SLC24A2: variants seen among roughly 807,000 people sequenced by gnomAD.
SLC24A2 encodes the protein sodium/potassium/calcium exchanger 2.
In SLC24A2, 36 loss-of-function variants were observed where a neutral mutation model predicts 62.0. The ratio of observed to expected loss-of-function variants is 0.58; its 90% CI spans 0.44 to 0.77. SLC24A2 has a LOEUF of 0.77. Among genes scored for constraint, SLC24A2 ranks in the 30% least tolerant of loss-of-function variants. SLC24A2 has a pLI of 0.00. For missense variants in SLC24A2, 846 were observed against 817.9 expected (o/e 1.03, Z -0.42); for synonymous variants, 358 against 294.0 (o/e 1.22, Z -2.23).
At chr9:19,561,095 T>A (rs759094805) in intron 7 of SLC24A2, among the ~76,000 whole-genome samples, 4 of 150,088 alleles carry the variant, frequency 2.7e-5, no homozygotes, top group Non-Finnish European at 4.5e-5. Flanking sequence ...CTGGCTAATT[T>A]TTTTTTGTAT....
chr9:20,055,134 T>TC, the SLC24A2 span, among the ~76,000 whole-genome samples: 1 of 152,100 alleles, frequency 6.6e-6, no homozygotes, highest in African/African-American at 2.4e-5. Flanking sequence ...CTCATAAAGC[T>TC]CCCTTCCATC....
the SLC24A2 span, among the ~76,000 whole-genome samples, chr9:20,038,632 CA>C: frequency 1.7e-3 from 180 of 108,650 alleles, no homozygotes; most frequent in Non-Finnish European, 2.2e-3. Flanking sequence ...AAGAAACAAA[CA>C]AAAAAAAAAA....
the SLC24A2 span, among the ~76,000 whole-genome samples, chr9:20,266,400 C>G: frequency 1.2e-4 from 18 of 152,140 alleles, 1 homozygote; most frequent in Non-Finnish European, 1.5e-5. Context: ...GGCAGGTTCC[C>G]CAATACCCAG....
At chr9:20,163,737 C>A in the SLC24A2 span, among the ~76,000 whole-genome samples, 7 of 152,272 alleles carry the variant, frequency 4.6e-5, no homozygotes, top group Middle Eastern at 3.4e-3. Context: ...AACTATACTA[C>A]AAGGCTACAG....
At chr9:19,708,669 T>G (rs1160946708) in intron 2 of SLC24A2, among the ~76,000 whole-genome samples, 1 of 152,196 alleles carries the variant, frequency 6.6e-6, no homozygotes, top group Non-Finnish European at 1.5e-5. Flanking sequence ...GATTCCCTAT[T>G]TAATAAATGG....
chr9:20,182,073 A>G, the SLC24A2 span, among the ~76,000 whole-genome samples: 28 of 152,340 alleles, frequency 1.8e-4, no homozygotes, highest in Non-Finnish European at 3.1e-4. Context: ...CAAAACCACA[A>G]TGAGATACTA....
chr9:19,658,384 G>T (rs1819000809), intron 2 of SLC24A2, among the ~76,000 whole-genome samples: 1 of 151,012 alleles, frequency 6.6e-6, no homozygotes, highest in Non-Finnish European at 1.5e-5. Flanking sequence ...AATGATACCT[G>T]TACCCCTCAC....
intron 8 of SLC24A2, among the ~76,000 whole-genome samples, chr9:19,541,775 C>T: frequency 6.7e-6 from 1 of 149,000 alleles, no homozygotes; most frequent in Non-Finnish European, 1.5e-5. Flanking sequence ...CTAAGCAAGC[C>T]TGGGCAATGG....
intron 8 of SLC24A2, among the ~76,000 whole-genome samples, chr9:19,548,273 A>G (rs1247320131): frequency 6.8e-6 from 1 of 147,542 alleles, no homozygotes; most frequent in Non-Finnish European, 1.5e-5. Flanking sequence ...ATTTTTTTTA[A>G]ATGATTTTTT....
the SLC24A2 span, among the ~76,000 whole-genome samples, chr9:20,181,961 G>A: frequency 1.3e-5 from 2 of 152,102 alleles, no homozygotes; most frequent in Non-Finnish European, 2.9e-5. Context: ...TTGAAAAGTG[G>A]GCAAAGGATA....
chr9:19,884,860 G>A, the SLC24A2 span, among the ~76,000 whole-genome samples: 4 of 152,182 alleles, frequency 2.6e-5, no homozygotes, highest in African/African-American at 9.7e-5. Flanking sequence ...GTTAGACTAA[G>A]CTATGACGTT....
At chr9:20,279,743 G>A in the SLC24A2 span, among the ~76,000 whole-genome samples, 7 of 152,130 alleles carry the variant, frequency 4.6e-5, no homozygotes, top group Admixed American at 4.6e-4. Context: ...TACATGTTAA[G>A]GGGTAGAAAA....
At chr9:20,000,422 A>G in the SLC24A2 span, among the ~76,000 whole-genome samples, 2 of 152,196 alleles carry the variant, frequency 1.3e-5, no homozygotes, top group Non-Finnish European at 2.9e-5. Context: ...CATACCTTCA[A>G]CTGGAGTTTC....
chr9:19,532,092 T>G (rs989791712), intron 8 of SLC24A2, among the ~76,000 whole-genome samples: 6 of 151,072 alleles, frequency 4.0e-5, no homozygotes, highest in Non-Finnish European at 7.4e-5. Context: ...ATTTATTTAT[T>G]TGTTTGTTTG....
the SLC24A2 span, among the ~76,000 whole-genome samples, chr9:19,797,546 A>G: frequency 2.2e-4 from 33 of 152,258 alleles, no homozygotes; most frequent in African/African-American, 6.0e-4. Flanking sequence ...GGATGCAACC[A>G]TTTCACTTCC....
chr9:19,691,350 A>T (rs1820041184), intron 2 of SLC24A2, among the ~76,000 whole-genome samples: 1 of 152,176 alleles, frequency 6.6e-6, no homozygotes, highest in Admixed American at 6.6e-5. Context: ...CAGGCTGTGA[A>T]ATCTCCCATG....
the SLC24A2 span, among the ~76,000 whole-genome samples, chr9:19,815,203 G>A: frequency 1.3e-5 from 2 of 152,104 alleles, no homozygotes; most frequent in East Asian, 3.9e-4. Context: ...CAATTTTATG[G>A]GAATAATCAG....
At chr9:19,906,191 C>A in the SLC24A2 span, among the ~76,000 whole-genome samples, 1,503 of 152,198 alleles carry the variant, frequency 9.9e-3, 10 homozygotes, top group Non-Finnish European at 0.016. Flanking sequence ...AAACACTCAA[C>A]TACATGGAAA....
intron 2 of SLC24A2, among the ~76,000 whole-genome samples, chr9:19,711,497 A>T (rs1015792328): frequency 2.0e-5 from 3 of 152,224 alleles, no homozygotes; most frequent in African/African-American, 7.2e-5. Context: ...GCTTAAAAAA[A>T]TTATGAGTGA....
Sources: gnomAD v4.1 joint callset for allele counts (sites outside exome capture counted in the v4.1 genomes callset) on GRCh38, gnomAD v4.1.1 for gene constraint, MANE v1.5 for transcripts, NCBI Gene and HGNC (gene_info 2026-07-23, HGNC 2026-07-21) for gene names.